The following FEZ1 variants were observed in gnomAD, a reference collection of about 807,000 sequenced individuals.
FEZ1 encodes fasciculation and elongation protein zeta-1.
Under a neutral mutation model 49.3 loss-of-function variants are expected in FEZ1, and 20 were observed. That is an observed-to-expected ratio of 0.41 (90% confidence interval 0.29 to 0.59). The LOEUF (loss-of-function observed/expected upper bound fraction) is 0.59. FEZ1 is among the 20% of genes least tolerant of loss of function. FEZ1 has a pLI of 0.36. For synonymous variants in FEZ1, 170 were observed against 180.9 expected (o/e 0.94, Z 0.48); for missense variants, 413 against 476.0 (o/e 0.87, Z 1.23).
In FEZ1 at chr11:125,452,368, A is replaced by C; in HGVS notation, c.1062T>G (p.Pro354=). The change falls in exon 8 of 10, where the codon CCT becomes CCG. Residue 354 remains proline (P), a synonymous_variant. Transcript: ENST00000278919. ...GCATCTGCAGGTCTTCCACTGAGGG[A>C]GGAGAGGCTTTCTTCTCGTAAGGAA... is the stretch of plus-strand genomic sequence containing the variant. ...TVIPYEKKAS[P]PSVEDLQMLT... is the part of the protein sequence containing the mutation. The C allele has an allele frequency of 1.2e-6, 2 of 1,613,408 alleles. No homozygotes were observed. The highest frequency in any genetic ancestry group is 1.7e-6 in the Non-Finnish European group (2 of 1,179,292).
chr11:125,456,158 G>T (rs980009979), intron 5 of FEZ1, 52 bp from the exon 6 acceptor site: 2 of 1,504,412 alleles, frequency 1.3e-6, no homozygotes, highest in Non-Finnish European at 8.9e-7. Context: ...ACCAGAGCCC[G>T]CTGGGGAGGC....
chr11:125,475,457 T>C (rs1957222771), intron 3 of FEZ1, among the ~76,000 whole-genome samples: 1 of 152,168 alleles, frequency 6.6e-6, no homozygotes, highest in Non-Finnish European at 1.5e-5. Flanking sequence ...TTAGTGAGAA[T>C]ATGGGACAAT....
intron 2 of FEZ1, among the ~76,000 whole-genome samples, chr11:125,483,367 A>AGATGC (rs1565303111): frequency 6.6e-6 from 1 of 152,176 alleles, no homozygotes; most frequent in Non-Finnish European, 1.5e-5. Flanking sequence ...CTGCTTATTC[A>AGATGC]TTATTTTCCT....
intron 8 of FEZ1, among the ~76,000 whole-genome samples, chr11:125,448,797 A>G (rs760269550): frequency 7.9e-5 from 12 of 152,120 alleles, no homozygotes; most frequent in Non-Finnish European, 1.8e-4. Context: ...TGACAGGTTT[A>G]GTTTCAGTTG....
At chr11:125,490,521 G>A (rs1957371271) in intron 1 of FEZ1, among the ~76,000 whole-genome samples, 1 of 152,098 alleles carries the variant, frequency 6.6e-6, no homozygotes, top group Admixed American at 6.6e-5. Flanking sequence ...ATAAGGGTTT[G>A]TATACCTAGA....
rs1051643110 is a variant in FEZ1 at position 125,485,079 on chromosome 11, T to A, written c.312-3446A>T. Among the ~76,000 whole-genome samples, 9 of 152,186 alleles carry A rather than the reference T, an allele frequency of 5.9e-5. 1 individual carries two copies. The highest frequency in any genetic ancestry group is 2.1e-4 in the South Asian group (1 of 4,830). On this transcript the variant is annotated intron_variant, in intron 2 of 9. Transcript: ENST00000278919. Reference sequence around the variant, plus strand: ...AAGCATCCTGCTATTTACTCTTACCTTGGGGAAAGAAGACTTTGAAAGCTA... The same window carrying A: ...AAGCATCCTGCTATTTACTCTTACCATGGGGAAAGAAGACTTTGAAAGCTA...
chr11:125,454,393 A>G, intron 6 of FEZ1, 183 bp from the exon 7 acceptor site: 1 of 461,812 alleles, frequency 2.2e-6, no homozygotes, highest in Non-Finnish European at 3.8e-6. Context: ...GCAAGAATAA[A>G]CAGAGTCTCA....
chr11:125,494,331 C>A (rs2135797379), intron 1 of FEZ1, among the ~76,000 whole-genome samples: 1 of 152,268 alleles, frequency 6.6e-6, no homozygotes, highest in South Asian at 2.1e-4. Flanking sequence ...AGATGGTGAC[C>A]CTGCCTTCCT....
At chr11:125,487,494 C>T (rs995440824) in intron 2 of FEZ1, among the ~76,000 whole-genome samples, 8 of 152,058 alleles carry the variant, frequency 5.3e-5, no homozygotes, top group Admixed American at 5.2e-4. Flanking sequence ...AAAAAATATT[C>T]GGCATAATAA....
chr11:125,444,525 C>T lies in FEZ1; in HGVS notation c.*1570G>A, dbSNP rs1278824780. Among the ~76,000 whole-genome samples the T allele has an allele frequency of 1.3e-5, 2 of 151,876 alleles. No homozygotes were observed. Among genetic ancestry groups the T allele is most frequent in the Admixed American group, 6.6e-5 (1 of 15,236 alleles). Reference sequence around the variant, plus strand: ...ACTTGAACGTGGGAGGCGGAGTTTGCGGCGAGCTGAGATAGCGCCATTGTA... The same window carrying T: ...ACTTGAACGTGGGAGGCGGAGTTTGTGGCGAGCTGAGATAGCGCCATTGTA... On this transcript the variant is annotated 3_prime_UTR_variant, in exon 10 of 10. Transcript: ENST00000278919.
chr11:125,468,662 G>A (rs574464169), intron 3 of FEZ1, among the ~76,000 whole-genome samples: 86 of 152,186 alleles, frequency 5.7e-4, no homozygotes, highest in African/African-American at 1.7e-3. Context: ...AGGAGAAAAG[G>A]CAACAGCAAG....
chr11:125,454,264 A>G (rs1478085817), intron 6 of FEZ1, 54 bp from the exon 7 acceptor site: 2 of 1,376,126 alleles, frequency 1.5e-6, no homozygotes, highest in East Asian at 2.3e-5. Flanking sequence ...CACTGTCACC[A>G]CACCCAGGGA....
rs539465232 is a variant in FEZ1 at position 125,476,865 on chromosome 11, GT to G, written c.411+4668del. Among the ~76,000 whole-genome samples the G allele has an allele frequency of 2.2e-4, 34 of 151,990 alleles. No homozygotes were observed. In the South Asian group the frequency reaches 7.1e-3, roughly 32 times the overall value. ...TGCTGAATAGTTTGGTTTGTTGTTG[GT>G]TTTTTTCACCAAAACAAGGAACTAT... On this transcript the variant is annotated intron_variant, in intron 3 of 9. Transcript: ENST00000278919.
Position 125,481,553 on chromosome 11 carries a change from C to A in FEZ1, c.392G>T (p.Gly131Val), listed in dbSNP as rs1957279347. 6.2e-7 allele frequency: 1 copy of A among 1,611,012 alleles called. No individual in the cohort carries two copies. Reference protein sequence around the residue: ...WRDPNIEALNGNCSDTEIHEK... With the variant: ...WRDPNIEALNVNCSDTEIHEK... The stretch of plus-strand genomic sequence containing the variant: ...AGGTACCTCAGTGTCAGAGCAGTTG[C>A]CATTCAGAGCCTCGATGTTTGGATC... Residue 131 changes from glycine (G) to valine (V), a missense_variant, in exon 3 of 10, where the codon GGC becomes GTC. Physicochemically the swap from Gly to Val is moderately radical, Grantham distance 109 (BLOSUM62 -3). Coordinates refer to ENST00000278919, the MANE Select transcript of FEZ1 (RefSeq NM_005103.5).
Position 125,443,018 on chromosome 11 carries a change from G to A in FEZ1, c.*3077C>T, listed in dbSNP as rs1037422643. Among the ~76,000 whole-genome samples the A allele has an allele frequency of 3.3e-5, 5 of 152,148 alleles. No individual in the cohort carries two copies. The highest frequency in any genetic ancestry group is 1.3e-4 in the Admixed American group (2 of 15,274). On this transcript the variant is annotated 3_prime_UTR_variant, in exon 10 of 10. Transcript: ENST00000278919. ...CCCAAAGTTCTGGGATTACAGGCAT[G>A]AGCCACCACGCCCGGCCCTGTGGTG...
At chr11:125,469,359 A>T (rs1219542149) in intron 3 of FEZ1, among the ~76,000 whole-genome samples, 1 of 152,162 alleles carries the variant, frequency 6.6e-6, no homozygotes, top group African/African-American at 2.4e-5. Context: ...CCCCGGCTCA[A>T]GCAATCCTCC....
intron 5 of FEZ1, among the ~76,000 whole-genome samples, chr11:125,456,888 C>A (rs1957015475): frequency 6.6e-6 from 1 of 152,096 alleles, no homozygotes; most frequent in South Asian, 2.1e-4. Flanking sequence ...TGCTTTAAAA[C>A]TTTATACACT....
intron 3 of FEZ1, among the ~76,000 whole-genome samples, chr11:125,465,555 A>G (rs1229544794): frequency 6.6e-6 from 1 of 152,142 alleles, no homozygotes; most frequent in Non-Finnish European, 1.5e-5. Context: ...AATCAATTAT[A>G]AGCTTATGAA....
chr11:125,455,958 C>T lies in FEZ1; in HGVS notation c.816G>A (p.Thr272=), dbSNP rs749891189. Reference sequence around the variant, plus strand: ...GCTTGTTCTGAACCTCAATAAGCACCGTGATAAAGGAGTTCTTCACTTCCT... The same window carrying T: ...GCTTGTTCTGAACCTCAATAAGCACTGTGATAAAGGAGTTCTTCACTTCCT... ...FEKEVKNSFI[T]VLIEVQNKQK... The change falls in exon 6 of 10, where the codon ACG becomes ACA. Residue 272 remains threonine, a synonymous_variant. Coordinates refer to ENST00000278919, the MANE Select transcript of FEZ1 (RefSeq NM_005103.5). 40 of 1,613,500 alleles carry T rather than the reference C, an allele frequency of 2.5e-5. No homozygotes were observed. Among genetic ancestry groups the T allele is most frequent in the Non-Finnish European group, 3.3e-5 (39 of 1,179,972 alleles).
Sources: gnomAD v4.1 joint callset for allele counts (sites outside exome capture counted in the v4.1 genomes callset) on GRCh38, gnomAD v4.1.1 for gene constraint, MANE v1.5 for transcripts, NCBI Gene and HGNC (gene_info 2026-07-23, HGNC 2026-07-21) for gene names.